The following SPHKAP variants were observed in gnomAD, a reference collection of about 807,000 sequenced individuals.
The protein encoded by SPHKAP is SPHK1 interactor, AKAP domain containing, also known as A-kinase anchor protein SPHKAP.
In SPHKAP, 67 loss-of-function variants were observed where a neutral mutation model predicts 137.5. That is an observed-to-expected ratio of 0.49 (90% CI 0.40 to 0.60). SPHKAP has a LOEUF of 0.60. Among genes scored for constraint, SPHKAP ranks in the 20% least tolerant of loss-of-function variants. The pLI is 0.00. For synonymous variants in SPHKAP, 813 were observed against 785.3 expected, an observed-to-expected ratio of 1.04 and a Z score of -0.59; for missense variants, 2,097 against 2,069.3, an observed-to-expected ratio of 1.01 and a Z score of -0.26.
intron 3 of SPHKAP, among the ~76,000 whole-genome samples, chr2:228,048,719 T>C (rs979758928): frequency 1.3e-5 from 2 of 152,200 alleles, no homozygotes; most frequent in Non-Finnish European, 2.9e-5. Context: ...CTACAGCATA[T>C]GGCCTAGGTG....
chr2:228,151,754 A>G (rs2106400018), intron 1 of SPHKAP, among the ~76,000 whole-genome samples: 1 of 152,174 alleles, frequency 6.6e-6, no homozygotes, highest in East Asian at 1.9e-4. Context: ...AGGTCTTATT[A>G]TCATTTCCTT....
At chr2:228,143,708 G>T (rs1431608261) in intron 1 of SPHKAP, among the ~76,000 whole-genome samples, 1 of 123,944 alleles carries the variant, frequency 8.1e-6, no homozygotes, top group Non-Finnish European at 1.6e-5. Flanking sequence ...GTTTCACCAT[G>T]TTGGCCAGGC....
chr2:228,088,013 GTACAT>G (rs1221218525), intron 3 of SPHKAP, among the ~76,000 whole-genome samples: 3 of 152,016 alleles, frequency 2.0e-5, no homozygotes, highest in Non-Finnish European at 4.4e-5. Context: ...CATTTCTATT[GTACAT>G]TTCATATTAC....
At chr2:228,119,456 T>TACACACACACACAC (rs55846474) in intron 2 of SPHKAP, among the ~76,000 whole-genome samples, 218 of 137,426 alleles carry the variant, frequency 1.6e-3, no homozygotes, top group East Asian at 5.4e-3. Flanking sequence ...AAGCCTAGTA[T>TACACACACACACAC]ACACACACAC....
At chr2:228,038,866 G>C (rs1695733873) in intron 3 of SPHKAP, among the ~76,000 whole-genome samples, 1 of 152,166 alleles carries the variant, frequency 6.6e-6, no homozygotes, top group Admixed American at 6.5e-5. Flanking sequence ...AATGAATGTA[G>C]TCAATAAACA....
intron 7 of SPHKAP, among the ~76,000 whole-genome samples, chr2:228,015,780 T>C (rs1036228298): frequency 2.6e-5 from 4 of 152,054 alleles, no homozygotes; most frequent in African/African-American, 7.2e-5. Context: ...TGGCAAGATC[T>C]TTAGAAAAAG....
At chr2:228,045,742 GTATAA>G (rs1227357527) in intron 3 of SPHKAP, among the ~76,000 whole-genome samples, 3 of 151,490 alleles carry the variant, frequency 2.0e-5, no homozygotes, top group Admixed American at 6.6e-5. Flanking sequence ...AAAACTTAAA[GTATAA>G]TAATAATAAA....
At chr2:228,132,607 C>A in intron 1 of SPHKAP, 1 of 484,036 alleles carries the variant, frequency 2.1e-6, no homozygotes, top group Non-Finnish European at 2.7e-6. Context: ...CTCAAATTCT[C>A]TATCTCCAAA....
intron 3 of SPHKAP, among the ~76,000 whole-genome samples, chr2:228,071,789 CT>C (rs55755231): frequency 3.4e-5 from 5 of 148,800 alleles, no homozygotes; most frequent in East Asian, 3.9e-4. Flanking sequence ...GCAATTCAAC[CT>C]TTTTTTTTTG....
intron 11 of SPHKAP, among the ~76,000 whole-genome samples, chr2:227,988,816 A>G (rs550574438): frequency 2.0e-5 from 3 of 152,104 alleles, no homozygotes; most frequent in Non-Finnish European, 2.9e-5. Context: ...TTTTTATTGC[A>G]CCCTTTGCTG....
rs531274094 is a variant in SPHKAP at position 228,138,467 on chromosome 2, AT to A, written c.33-6383del. 5.8e-4 allele frequency among the ~76,000 whole-genome samples: 88 copies of A among 151,996 alleles called. 1 individual carries two copies. In the South Asian group the frequency reaches 0.018, roughly 32 times the overall value. On this transcript the variant is annotated intron_variant, in intron 1 of 11. Coordinates refer to ENST00000392056, the MANE Select transcript of SPHKAP (RefSeq NM_001142644.2). ...TTCATCTCCTAGGTAAGAAGTTTATATTTTTTTTCTTTCTTTCCTAGGTTGG... is the reference window on the plus strand; with the variant it reads ...TTCATCTCCTAGGTAAGAAGTTTATATTTTTTTCTTTCTTTCCTAGGTTGG...
At chr2:228,058,554 C>A (rs972199394) in intron 3 of SPHKAP, among the ~76,000 whole-genome samples, 5 of 152,138 alleles carry the variant, frequency 3.3e-5, no homozygotes, top group Non-Finnish European at 1.5e-5. Context: ...GTTAACGTTG[C>A]TGGAGGGATC....
At chr2:228,088,690 T>A (rs62201075) in intron 3 of SPHKAP, among the ~76,000 whole-genome samples, 48 of 152,136 alleles carry the variant, frequency 3.2e-4, no homozygotes, top group African/African-American at 1.1e-3. Flanking sequence ...CACCATCTAC[T>A]TAGTGATGAG....
At chr2:228,121,199 G>T (rs1698892146) in intron 2 of SPHKAP, among the ~76,000 whole-genome samples, 1 of 152,108 alleles carries the variant, frequency 6.6e-6, no homozygotes, top group South Asian at 2.1e-4. Context: ...CATGCCTTTG[G>T]ACTGTGGCAA....
At chr2:228,072,496 A>G (rs1697035195) in intron 3 of SPHKAP, among the ~76,000 whole-genome samples, 1 of 152,114 alleles carries the variant, frequency 6.6e-6, no homozygotes, top group Non-Finnish European at 1.5e-5. Flanking sequence ...CCCAGTGTAC[A>G]TCACCCCAAA....
Position 228,131,963 on chromosome 2 carries a change from G to C in SPHKAP, c.138+17C>G. On this transcript the variant is annotated intron_variant, in intron 2 of 11. Coordinates refer to ENST00000392056, the MANE Select transcript of SPHKAP (RefSeq NM_001142644.2). ...AAGTTCAACTGACAAGAAGAAAGTG[G>C]CGTAAGGCAAGGTTACCTTCTTACA... 1 of 1,610,496 alleles carries C rather than the reference G, an allele frequency of 6.2e-7. No homozygotes were observed. Among genetic ancestry groups the C allele is most frequent in the Non-Finnish European group, 8.5e-7 (1 of 1,177,078 alleles).
chr2:228,180,292 G>C (rs1363901732), intron 1 of SPHKAP, among the ~76,000 whole-genome samples: 2 of 152,100 alleles, frequency 1.3e-5, no homozygotes, highest in Admixed American at 1.3e-4. Flanking sequence ...CTGAGAAAGC[G>C]TTATTTCATC....
intron 1 of SPHKAP, among the ~76,000 whole-genome samples, chr2:228,142,657 A>G (rs918032184): frequency 6.6e-6 from 1 of 152,168 alleles, no homozygotes. Context: ...ACAAGAGCAT[A>G]CGGACACCTA....
At chr2:228,164,216 T>C (rs1246555238) in intron 1 of SPHKAP, among the ~76,000 whole-genome samples, 1 of 152,144 alleles carries the variant, frequency 6.6e-6, no homozygotes, top group Non-Finnish European at 1.5e-5. Flanking sequence ...TTAACACCAG[T>C]GGTTTGCCAG....
Sources: gnomAD v4.1 joint callset for allele counts (sites outside exome capture counted in the v4.1 genomes callset) on GRCh38, gnomAD v4.1.1 for gene constraint, MANE v1.5 for transcripts, NCBI Gene and HGNC (gene_info 2026-07-23, HGNC 2026-07-21) for gene names.